SLC38A1: variants seen among roughly 807,000 people sequenced by gnomAD.
SLC38A1 encodes solute carrier family 38 member 1.
A neutral mutation model predicts 60.3 loss-of-function variants in SLC38A1; 18 were observed. The ratio of observed to expected loss-of-function variants is 0.30; its 90% CI spans 0.21 to 0.44. The LOEUF (loss-of-function observed/expected upper bound fraction) is 0.44. SLC38A1 is among the 20% of genes least tolerant of loss of function. The probability of loss-of-function intolerance (pLI) is 1.00; values close to 1 mark genes in which losing one functional copy is unlikely to be tolerated. For synonymous variants in SLC38A1, 196 were observed against 212.1 expected (o/e 0.92, Z 0.66); for missense variants, 448 against 587.2 (o/e 0.76, Z 2.45).
chr12:46,209,546 A>G (rs1323673710), intron 5 of SLC38A1, among the ~76,000 whole-genome samples: 1 of 152,198 alleles, frequency 6.6e-6, no homozygotes, highest in African/African-American at 2.4e-5. Context: ...ACTTTGGGCA[A>G]CTTGCTTAAC....
intron 1 of SLC38A1, among the ~76,000 whole-genome samples, chr12:46,248,891 T>C (rs1941722839): frequency 6.6e-6 from 1 of 152,038 alleles, no homozygotes; most frequent in Non-Finnish European, 1.5e-5. Context: ...GTGCGATGGC[T>C]CACGCCTGTA....
intron 16 of SLC38A1, among the ~76,000 whole-genome samples, chr12:46,194,526 T>C (rs1049347556): frequency 6.6e-6 from 1 of 152,222 alleles, no homozygotes; most frequent in Non-Finnish European, 1.5e-5. Flanking sequence ...CTGAAGAGTG[T>C]TTTCTAACTT....
Position 46,267,649 on chromosome 12 carries a change from G to T in SLC38A1, c.-209+877C>A, listed in dbSNP as rs1234447230. 2.0e-5 allele frequency: 3 copies of T among 152,356 alleles called. No homozygotes were observed. The East Asian group carries it at 5.8e-4, about 29-fold the overall frequency. The allele number at this position is 152,356 out of a possible 1,614,324, so 9.4% of individuals were successfully genotyped here. On this transcript the variant is annotated intron_variant, in intron 1 of 16. Transcript: ENST00000398637. ...GGCAAGGGGCTCGCACAAGGGCGAA[G>T]ATGCGCTCTCCTCCCGGCACCGACC...
At chr12:46,189,151 GT>G in intron 16 of SLC38A1, 80 bp from the exon 17 acceptor site, 1 of 986,752 alleles carries the variant, frequency 1.0e-6, no homozygotes. Context: ...AAATAGAACA[GT>G]TTTTCCTCTC....
chr12:46,250,576 T>C (rs1184987779), intron 1 of SLC38A1, among the ~76,000 whole-genome samples: 2 of 152,206 alleles, frequency 1.3e-5, no homozygotes, highest in Non-Finnish European at 2.9e-5. Context: ...CATGATTGTA[T>C]ATTTAGAAAA....
At chr12:46,242,389 TA>T (rs1346603774) in intron 2 of SLC38A1, among the ~76,000 whole-genome samples, 1 of 152,136 alleles carries the variant, frequency 6.6e-6, no homozygotes, top group Non-Finnish European at 1.5e-5. Flanking sequence ...TGAAAAAGCT[TA>T]AAAAATGTTA....
chr12:46,215,107 A>G (rs1178079956), intron 5 of SLC38A1, among the ~76,000 whole-genome samples: 1 of 152,200 alleles, frequency 6.6e-6, no homozygotes, highest in Non-Finnish European at 1.5e-5. Flanking sequence ...CTACTGGTCC[A>G]CTGACCTCCC....
intron 1 of SLC38A1, among the ~76,000 whole-genome samples, chr12:46,266,237 A>T (rs1184499759): frequency 1.3e-5 from 2 of 152,170 alleles, no homozygotes; most frequent in African/African-American, 4.8e-5. Flanking sequence ...GTTTTTGTCC[A>T]CAAGCATCAC....
chr12:46,209,990 AAT>A (rs1322310526), intron 5 of SLC38A1, among the ~76,000 whole-genome samples: 5 of 152,232 alleles, frequency 3.3e-5, no homozygotes, highest in Non-Finnish European at 7.3e-5. Flanking sequence ...GATGTGGGAA[AAT>A]ATATCCCTAG....
intron 5 of SLC38A1, among the ~76,000 whole-genome samples, chr12:46,220,237 T>C (rs532504774): frequency 6.6e-6 from 1 of 152,356 alleles, no homozygotes; most frequent in East Asian, 1.9e-4. Context: ...ACTGTCCCTT[T>C]TCCATGTATT....
intron 3 of SLC38A1, 151 bp from the exon 4 acceptor site, chr12:46,229,790 C>T (rs1166787143): frequency 3.0e-6 from 2 of 656,930 alleles, no homozygotes; most frequent in South Asian, 3.9e-5. Flanking sequence ...ACCAACTCCC[C>T]CCACCTTTTT....
At chr12:46,249,166 A>AG (rs1941741060) in intron 1 of SLC38A1, among the ~76,000 whole-genome samples, 1 of 149,286 alleles carries the variant, frequency 6.7e-6, no homozygotes, top group East Asian at 2.0e-4. Context: ...AAAAAAAAAA[A>AG]AAAAAAAAAG....
intron 16 of SLC38A1, among the ~76,000 whole-genome samples, chr12:46,192,848 G>A (rs1939201781): frequency 6.6e-6 from 1 of 151,898 alleles, no homozygotes; most frequent in Non-Finnish European, 1.5e-5. Flanking sequence ...TCTTGCTAGT[G>A]GTCTATCAAT....
Position 46,245,628 on chromosome 12 carries a change from A to C in SLC38A1, c.-208-2314T>G, listed in dbSNP as rs548345540. Among the ~76,000 whole-genome samples, 6 of 152,300 alleles carry C rather than the reference A, an allele frequency of 3.9e-5. No individual in the cohort carries two copies. In the South Asian group the frequency reaches 1.2e-3, roughly 32 times the overall value. On this transcript the variant is annotated intron_variant, in intron 1 of 16. Transcript: ENST00000398637. ...AATCCCACTTCTGGATATACACCCAAAGAAAATGAAATCACCACCTCATAA... is the reference window on the plus strand; with the variant it reads ...AATCCCACTTCTGGATATACACCCACAGAAAATGAAATCACCACCTCATAA...
At chr12:46,209,227 A>G in intron 5 of SLC38A1, 100 bp from the exon 6 acceptor site, 2 of 769,666 alleles carry the variant, frequency 2.6e-6, no homozygotes, top group Non-Finnish European at 4.1e-6. Context: ...GGTTAACACT[A>G]TTTGTTAATA....
intron 16 of SLC38A1, 179 bp downstream of exon 16, chr12:46,197,541 A>T: frequency 1.9e-6 from 1 of 527,550 alleles, no homozygotes; most frequent in Non-Finnish European, 3.3e-6. Flanking sequence ...AGATATTTGG[A>T]GGGATGGGAG....
At chr12:46,207,054 G>A in intron 8 of SLC38A1, 101 bp downstream of exon 8, 1 of 776,516 alleles carries the variant, frequency 1.3e-6, no homozygotes, top group Non-Finnish European at 2.0e-6. Flanking sequence ...ACGCAGCCTA[G>A]GAAAAACTTT....
At chr12:46,226,916 G>A (rs1286417817) in intron 5 of SLC38A1, among the ~76,000 whole-genome samples, 2 of 152,100 alleles carry the variant, frequency 1.3e-5, no homozygotes, top group African/African-American at 2.4e-5. Flanking sequence ...CACTGTGCCC[G>A]GCCAAGGCCA....
At chr12:46,236,340 G>A (rs1265139332) in intron 3 of SLC38A1, among the ~76,000 whole-genome samples, 1 of 152,038 alleles carries the variant, frequency 6.6e-6, no homozygotes, top group African/African-American at 2.4e-5. Flanking sequence ...AGGCATAAAT[G>A]GGCTAACTAA....
Sources: allele counts gnomAD v4.1 joint callset (sites outside exome capture counted in the v4.1 genomes callset), GRCh38; gene constraint gnomAD v4.1.1; transcripts MANE v1.5; gene names NCBI Gene and HGNC (gene_info 2026-07-23, HGNC 2026-07-21).